Variants in ANTXRL observed in about 807,000 individuals in gnomAD.
ANTXRL encodes the protein ANTXR like, also known as anthrax toxin receptor-like.
Under a neutral mutation model 75.4 loss-of-function variants are expected in ANTXRL, and 63 were observed. That is an observed-to-expected ratio of 0.84 (90% CI 0.68 to 1.03). The LOEUF (loss-of-function observed/expected upper bound fraction) is 1.03, where lower values mean the gene tolerates loss of function less well. Ranked by LOEUF, ANTXRL falls within the 50% of genes least tolerant of loss-of-function variation. The probability of loss-of-function intolerance (pLI) is 0.00; values close to 1 mark genes in which losing one functional copy is unlikely to be tolerated. For synonymous variants in ANTXRL, 335 were observed against 291.3 expected, an observed-to-expected ratio of 1.15 and a Z score of -1.53; for missense variants, 797 against 789.4, an observed-to-expected ratio of 1.01 and a Z score of -0.12.
intron 16 of ANTXRL, among the ~76,000 whole-genome samples, chr10:46,318,760 ACATATGT>A (rs1224120352): frequency 6.6e-6 from 1 of 152,168 alleles, no homozygotes; most frequent in Non-Finnish European, 1.5e-5. Context: ...GGATTGTTTA[ACATATGT>A]CAAAAGAAAA....
At chr10:46,293,555 G>GAGT (rs1837177716) in intron 2 of ANTXRL, among the ~76,000 whole-genome samples, 1 of 54,804 alleles carries the variant, frequency 1.8e-5, no homozygotes, top group Non-Finnish European at 4.4e-5. Context: ...ATATGTGTGT[G>GAGT]AGTGTGTGCC....
chr10:46,287,376 A>G lies in ANTXRL; in HGVS notation c.114A>G (p.Arg38=). 6.5e-7 allele frequency: 1 copy of G among 1,535,934 alleles called. No individual in the cohort carries two copies. The change falls in exon 1 of 17, where the codon AGA becomes AGG. Residue 38 remains arginine (R), a synonymous_variant. Transcript: ENST00000620264. ...TTCGGTACCATGGACCTGACTGGAGAATATTTCACCGCCTGGCCCTGGGCT... is the reference window on the plus strand; with the variant it reads ...TTCGGTACCATGGACCTGACTGGAGGATATTTCACCGCCTGGCCCTGGGCT... ...GSLRYHGPDW[R]IFHRLALGSR... is the part of the protein sequence containing the mutation.
chr10:46,319,858 A>G (rs782107605), intron 16 of ANTXRL, among the ~76,000 whole-genome samples: 7 of 152,176 alleles, frequency 4.6e-5, no homozygotes, highest in Admixed American at 2.0e-4. Flanking sequence ...AAACAGTAAT[A>G]CCAGCCAGCC....
At chr10:46,293,764 G>T in intron 2 of ANTXRL, 65 bp from the exon 3 acceptor site, 1 of 1,350,056 alleles carries the variant, frequency 7.4e-7, no homozygotes, top group Non-Finnish European at 1.0e-6. Context: ...TGGGGAATTG[G>T]CCTCACCACC....
chr10:46,323,816 A>G (rs1839089941), intron 16 of ANTXRL, among the ~76,000 whole-genome samples: 1 of 152,180 alleles, frequency 6.6e-6, no homozygotes, highest in African/African-American at 2.4e-5. Flanking sequence ...TTTCATGGTT[A>G]AAAGCCTGGA....
chr10:46,318,853 C>T (rs900902869), intron 16 of ANTXRL, among the ~76,000 whole-genome samples: 18 of 152,106 alleles, frequency 1.2e-4, no homozygotes, highest in Admixed American at 6.5e-4. Context: ...GGGCAGCCCT[C>T]AGAATCAGGA....
intron 16 of ANTXRL, among the ~76,000 whole-genome samples, 172 bp from the exon 17 acceptor site, chr10:46,329,424 AAGG>A (rs1348703688): frequency 1.3e-5 from 2 of 152,120 alleles, no homozygotes; most frequent in Non-Finnish European, 2.9e-5. Context: ...CTGAGTCTGG[AAGG>A]AGGAGTCCAG....
At chr10:46,319,597 C>T (rs1442284738) in intron 16 of ANTXRL, among the ~76,000 whole-genome samples, 1 of 152,106 alleles carries the variant, frequency 6.6e-6, no homozygotes, top group African/African-American at 2.4e-5. Flanking sequence ...AGTCTTTGTT[C>T]AGGGTGTACA....
rs557485244 is a variant in ANTXRL, at chr10:46,312,033, A to G, written c.1329+368A>G. Among the ~76,000 whole-genome samples, 11 of 146,366 alleles carry G rather than the reference A, an allele frequency of 7.5e-5. 1 individual carries two copies. The highest frequency in any genetic ancestry group is 1.5e-4 in the Non-Finnish European group (10 of 65,574). ...CTTTAGACCACTTGCCTGCAGGCGC[A>G]TGAGTCAAGCAACCTGAGTCACAAA... On this transcript the variant is annotated intron_variant, in intron 15 of 16. Transcript: ENST00000620264.
chr10:46,299,741 C>T (rs1387340747), intron 9 of ANTXRL, among the ~76,000 whole-genome samples: 1 of 152,180 alleles, frequency 6.6e-6, no homozygotes. Flanking sequence ...GAAGTGCCTC[C>T]CATGAACAGA....
intron 2 of ANTXRL, 81 bp downstream of exon 2, chr10:46,292,210 A>T: frequency 7.3e-7 from 1 of 1,371,644 alleles, no homozygotes; most frequent in Non-Finnish European, 1.0e-6. Context: ...ACATCCCATC[A>T]GATGGGGTGG....
At chr10:46,319,389 G>A (rs1838877582) in intron 16 of ANTXRL, among the ~76,000 whole-genome samples, 1 of 152,086 alleles carries the variant, frequency 6.6e-6, no homozygotes, top group Non-Finnish European at 1.5e-5. Flanking sequence ...CTCAATGGAT[G>A]GTTGCATACA....
chr10:46,315,054 C>T (rs1213016946), intron 16 of ANTXRL, among the ~76,000 whole-genome samples: 4 of 152,192 alleles, frequency 2.6e-5, no homozygotes, highest in African/African-American at 7.2e-5. Flanking sequence ...AGGAGTTCCC[C>T]GTTCTCCTCT....
At chr10:46,292,169 G>A in intron 2 of ANTXRL, 40 bp downstream of exon 2, 2 of 1,531,582 alleles carry the variant, frequency 1.3e-6, no homozygotes, top group Non-Finnish European at 1.7e-6. Context: ...GAGCTGCAGA[G>A]AGCTTTTCTT....
chr10:46,326,950 AC>A (rs1839245618), intron 16 of ANTXRL, among the ~76,000 whole-genome samples: 1 of 151,788 alleles, frequency 6.6e-6, no homozygotes, highest in Non-Finnish European at 1.5e-5. Context: ...ATGTGAAGGG[AC>A]CCCAACTCTG....
chr10:46,312,171 T>C (rs1838468223), intron 15 of ANTXRL, among the ~76,000 whole-genome samples: 1 of 150,730 alleles, frequency 6.6e-6, no homozygotes, highest in African/African-American at 2.4e-5. Context: ...CAGCAGAATC[T>C]TCAGGCAGTG....
At chr10:46,310,675 C>T (rs1554963268) in intron 14 of ANTXRL, among the ~76,000 whole-genome samples, 176 bp downstream of exon 14, 1 of 152,006 alleles carries the variant, frequency 6.6e-6, no homozygotes, top group Non-Finnish European at 1.5e-5. Flanking sequence ...CCCAGCATGC[C>T]CTTTCCGCTC....
chr10:46,293,423 T>G (rs1353630595), intron 2 of ANTXRL, among the ~76,000 whole-genome samples: 5 of 149,508 alleles, frequency 3.3e-5, no homozygotes, highest in Admixed American at 6.7e-5. Flanking sequence ...TGTGTGGGTG[T>G]GTGCGTGTAT....
intron 12 of ANTXRL, 83 bp downstream of exon 12, chr10:46,307,563 G>A (rs1472639782): frequency 3.8e-5 from 50 of 1,301,870 alleles, no homozygotes; most frequent in Middle Eastern, 4.3e-4. Flanking sequence ...AAGGCAGACC[G>A]TTCCCAGGCA....
Sources: gnomAD v4.1 joint callset for allele counts (sites outside exome capture counted in the v4.1 genomes callset) on GRCh38, gnomAD v4.1.1 for gene constraint, MANE v1.5 for transcripts, NCBI Gene and HGNC (gene_info 2026-07-23, HGNC 2026-07-21) for gene names.